Variants in CHST8 observed in about 807,000 individuals in gnomAD.
The protein encoded by CHST8 is carbohydrate sulfotransferase 8.
A neutral mutation model predicts 15.0 loss-of-function variants in CHST8; 10 were observed. The observed-to-expected ratio is 0.67, with a 90% CI of 0.41 to 1.13. The LOEUF (loss-of-function observed/expected upper bound fraction) is 1.13, where lower values mean the gene tolerates loss of function less well. Ranked by LOEUF, CHST8 falls within the 50% of genes most tolerant of loss-of-function variation. The probability of loss-of-function intolerance (pLI) is 0.00; values close to 1 mark genes in which losing one functional copy is unlikely to be tolerated. For missense variants in CHST8, 634 were observed against 608.2 expected, an observed-to-expected ratio of 1.04 and a Z score of -0.45; for synonymous variants, 259 against 256.6, an observed-to-expected ratio of 1.01 and a Z score of -0.09.
intron 3 of CHST8, among the ~76,000 whole-genome samples, chr19:33,757,394 G>A (rs1467141696): frequency 4.1e-4 from 2 of 4,938 alleles, no homozygotes; most frequent in Non-Finnish European, 1.0e-3. Flanking sequence ...AAAGAAGAAA[G>A]AAAGAAAGAA....
intron 3 of CHST8, among the ~76,000 whole-genome samples, chr19:33,749,751 G>T (rs1974379519): frequency 6.6e-6 from 1 of 152,132 alleles, no homozygotes. Context: ...GAGGCCCCAG[G>T]CTGCTGAGCC....
At position 33,772,277 on chromosome 19, in the gene CHST8, C is replaced by G; in HGVS notation, c.489C>G (p.Ala163=). Residue 163 remains alanine, a synonymous_variant, in exon 5 of 5, where the codon GCC becomes GCG. Transcript: ENST00000650847. ...QQERKRVMQE[A]CAKYRASSSR... Reference sequence around the variant, plus strand: ...AGCGCAAGCGGGTGATGCAGGAGGCCTGCGCCAAGTACCGGGCGAGCAGCA... The same window carrying G: ...AGCGCAAGCGGGTGATGCAGGAGGCGTGCGCCAAGTACCGGGCGAGCAGCA... 2 of 1,601,600 alleles carry G rather than the reference C, an allele frequency of 1.2e-6. No individual in the cohort carries two copies. The highest frequency in any genetic ancestry group is 8.5e-7 in the Non-Finnish European group (1 of 1,179,008).
intron 3 of CHST8, among the ~76,000 whole-genome samples, chr19:33,748,431 G>A (rs554921792): frequency 5.9e-5 from 9 of 152,230 alleles, no homozygotes; most frequent in Non-Finnish European, 1.2e-4. Flanking sequence ...TGGTGCCAGC[G>A]CCGCTGGGCA....
At chr19:33,768,389 A>G (rs544385677) in intron 3 of CHST8, among the ~76,000 whole-genome samples, 297 of 152,304 alleles carry the variant, frequency 2.0e-3, no homozygotes, top group Non-Finnish European at 3.3e-3. Context: ...AGCCTGGACA[A>G]CATAGCAAGA....
In CHST8 at chr19:33,672,735, G is replaced by A. The variant is rs558202769; in HGVS notation, c.-87+4892G>A. Among the ~76,000 whole-genome samples the A allele has an allele frequency of 5.3e-5, 8 of 152,290 alleles. No homozygotes were observed. The South Asian group carries it at 1.0e-3, about 20-fold the overall frequency. ...GGTGGAGAGTTAGCCAGGATGAGAC[G>A]GCCCTGGGCCAGCTTCCGAGAGCAG... On this transcript the variant is annotated intron_variant, in intron 2 of 4. Transcript: ENST00000650847.
chr19:33,670,647 G>A (rs1455494336), intron 2 of CHST8, among the ~76,000 whole-genome samples: 1 of 152,146 alleles, frequency 6.6e-6, no homozygotes, highest in African/African-American at 2.4e-5. Flanking sequence ...CTGTGGGTCT[G>A]CCTGCAGCCC....
chr19:33,674,690 C>G (rs1205069091), intron 2 of CHST8, among the ~76,000 whole-genome samples: 1 of 152,150 alleles, frequency 6.6e-6, no homozygotes, highest in African/African-American at 2.4e-5. Flanking sequence ...GATGGTCCTG[C>G]TGGGCCGCCA....
chr19:33,658,238 G>A (rs1600242313), intron 1 of CHST8, among the ~76,000 whole-genome samples: 4 of 152,212 alleles, frequency 2.6e-5, no homozygotes, highest in Admixed American at 2.6e-4. Flanking sequence ...TACTTGGAAA[G>A]CTGAGGCAGG....
rs28483888 is a variant in CHST8, at chr19:33,758,303, C to G, written c.131-13110C>G. ...CAGGGCCGTCACCCAGACTCCGGGA[C>G]CCCTGTGGGTACAGTCAGTGACCAT... On this transcript the variant is annotated intron_variant, in intron 3 of 4. Coordinates refer to ENST00000650847, the MANE Select transcript of CHST8 (RefSeq NM_001127895.2). Among the ~76,000 whole-genome samples the G allele has an allele frequency of 3.0e-3, 462 of 152,258 alleles. 3 individuals carry two copies. Among genetic ancestry groups the G allele is most frequent in the African/African-American group, 0.011 (451 of 41,538 alleles).
chr19:33,670,221 A>C (rs1027677207), intron 2 of CHST8, among the ~76,000 whole-genome samples: 2 of 152,228 alleles, frequency 1.3e-5, no homozygotes, highest in African/African-American at 4.8e-5. Context: ...ACCCCAATGC[A>C]TTGAGTGCCT....
intron 3 of CHST8, among the ~76,000 whole-genome samples, chr19:33,721,059 T>C (rs1247657499): frequency 2.0e-5 from 3 of 152,232 alleles, no homozygotes; most frequent in Non-Finnish European, 2.9e-5. Flanking sequence ...AGCTCTGTCT[T>C]ATCTGTGGAA....
intron 1 of CHST8, among the ~76,000 whole-genome samples, chr19:33,649,923 A>G (rs1045107248): frequency 1.7e-4 from 26 of 152,202 alleles, no homozygotes; most frequent in African/African-American, 6.3e-4. Context: ...TTTAGCTGCT[A>G]GAGAAAAAGA....
chr19:33,671,461 T>C (rs187883897), intron 2 of CHST8, among the ~76,000 whole-genome samples: 17 of 152,202 alleles, frequency 1.1e-4, no homozygotes, highest in Admixed American at 1.1e-3. Flanking sequence ...CTCCCTCTGC[T>C]CCTGTCTCAT....
intron 3 of CHST8, among the ~76,000 whole-genome samples, chr19:33,697,696 C>T (rs1973247157): frequency 6.6e-6 from 1 of 152,238 alleles, no homozygotes; most frequent in Non-Finnish European, 1.5e-5. Context: ...CTGTACCACA[C>T]TGTCTGCCCA....
At chr19:33,627,157 G>C (rs1205023065) in intron 1 of CHST8, among the ~76,000 whole-genome samples, 1 of 150,956 alleles carries the variant, frequency 6.6e-6, no homozygotes, top group Non-Finnish European at 1.5e-5. Context: ...GGAGTGTACA[G>C]TGGTGTGATC....
In CHST8 at chr19:33,696,110, G is replaced by A. The variant is rs1973213458; in HGVS notation, c.130+6719G>A. 1.3e-5 allele frequency among the ~76,000 whole-genome samples: 2 copies of A among 152,028 alleles called. 1 individual carries two copies. The highest frequency in any genetic ancestry group is 1.3e-4 in the Admixed American group (2 of 15,260). On this transcript the variant is annotated intron_variant, in intron 3 of 4. Coordinates refer to ENST00000650847, the MANE Select transcript of CHST8 (RefSeq NM_001127895.2). ...CAAAGTGCTGGGATTGCAGGCGTGA[G>A]CCACCGCACCCGGTCACCACATTTT...
intron 4 of CHST8, 109 bp from the exon 5 acceptor site, chr19:33,771,848 C>T (rs1974989732): frequency 2.2e-6 from 3 of 1,338,622 alleles, no homozygotes; most frequent in South Asian, 1.4e-5. Flanking sequence ...GCCTGTCTCC[C>T]TCACCTGAGA....
intron 2 of CHST8, among the ~76,000 whole-genome samples, chr19:33,672,857 C>G (rs1296733885): frequency 6.6e-6 from 1 of 152,120 alleles, no homozygotes; most frequent in Non-Finnish European, 1.5e-5. Context: ...TCTGAGCCGC[C>G]AAGAAAGAAG....
At chr19:33,641,486 C>A (rs768900904) in intron 1 of CHST8, among the ~76,000 whole-genome samples, 2 of 152,162 alleles carry the variant, frequency 1.3e-5, no homozygotes, top group African/African-American at 4.8e-5. Context: ...CCTCAGCTTG[C>A]GGTGAGGAGT....
Sources: gnomAD v4.1 joint callset for allele counts (sites outside exome capture counted in the v4.1 genomes callset) on GRCh38, gnomAD v4.1.1 for gene constraint, MANE v1.5 for transcripts, NCBI Gene and HGNC (gene_info 2026-07-23, HGNC 2026-07-21) for gene names.